The following METTL15 variants were observed in gnomAD, a reference collection of about 807,000 sequenced individuals.
METTL15 encodes methyltransferase 15, mitochondrial 12S rRNA N4-cytidine, also known as 12S rRNA N(4)-cytidine methyltransferase METTL15.
METTL15 carries 34 observed loss-of-function variants against 38.3 expected under a neutral mutation model. That is an observed-to-expected ratio of 0.89 (90% CI 0.68 to 1.18). METTL15 has a LOEUF of 1.18. Among genes scored for constraint, METTL15 ranks in the 50% most tolerant of loss-of-function variants. The pLI is 0.00. For synonymous variants in METTL15, 162 were observed against 170.9 expected (o/e 0.95, Z 0.41); for missense variants, 438 against 498.4 (o/e 0.88, Z 1.15).
intron 6 of METTL15, among the ~76,000 whole-genome samples, chr11:28,479,113 A>G (rs796615585): frequency 1.3e-5 from 2 of 151,802 alleles, no homozygotes; most frequent in African/African-American, 4.8e-5. Context: ...TTGTAATGTT[A>G]TAAAATTCCA....
rs752269746 is a variant in METTL15 at position 28,296,858 on chromosome 11, C to T, written c.705C>T (p.Ile235=). ...TYGEEKHAKK[I]ASAIVQARSI... ...GGGAGGAGAAGCATGCCAAGAAAAT[C>T]GCTTCAGCAATTGTTCAGGCACGCA... The change falls in exon 6 of 7, where the codon ATC becomes ATT. Residue 235 remains isoleucine, a synonymous_variant. Transcript: ENST00000407364. The T allele has an allele frequency of 4.9e-5, 79 of 1,613,572 alleles. No homozygotes were observed. Among genetic ancestry groups the T allele is most frequent in the Middle Eastern group, 3.3e-4 (2 of 6,056 alleles).
chr11:28,357,171 G>C (rs1027364936), intron 4 of METTL15, among the ~76,000 whole-genome samples: 1 of 152,218 alleles, frequency 6.6e-6, no homozygotes, highest in East Asian at 1.9e-4. Context: ...TGGAAGGACA[G>C]TATACTTTTG....
intron 4 of METTL15, among the ~76,000 whole-genome samples, chr11:28,353,696 C>T (rs1438055721): frequency 6.6e-6 from 1 of 151,658 alleles, no homozygotes; most frequent in African/African-American, 2.4e-5. Flanking sequence ...GAGGCCGAGG[C>T]GGGTGGATCA....
chr11:28,378,206 T>C (rs1312136162), intron 5 of METTL15, among the ~76,000 whole-genome samples: 1 of 152,196 alleles, frequency 6.6e-6, no homozygotes, highest in Non-Finnish European at 1.5e-5. Flanking sequence ...TCCTGGCTCC[T>C]TTGTTTACCT....
chr11:28,296,240 G>C (rs1478381212), intron 5 of METTL15, among the ~76,000 whole-genome samples: 1 of 152,114 alleles, frequency 6.6e-6, no homozygotes, highest in African/African-American at 2.4e-5. Context: ...GAGGGAAACT[G>C]ATCAGCAGTA....
At chr11:28,146,428 T>A (rs1011531263) in intron 3 of METTL15, among the ~76,000 whole-genome samples, 6 of 152,056 alleles carry the variant, frequency 3.9e-5, no homozygotes, top group Non-Finnish European at 7.4e-5. Flanking sequence ...TGTTACTGAT[T>A]GACATCCTAC....
chr11:28,175,890 A>T (rs891746903), intron 3 of METTL15, among the ~76,000 whole-genome samples: 1 of 152,010 alleles, frequency 6.6e-6, no homozygotes, highest in African/African-American at 2.4e-5. Flanking sequence ...TTGGTGTAAG[A>T]GATAGAAAAT....
At chr11:28,117,231 A>ATGTGTGTGTG (rs1444092063) in intron 3 of METTL15, among the ~76,000 whole-genome samples, 5 of 66,820 alleles carry the variant, frequency 7.5e-5, no homozygotes, top group African/African-American at 1.1e-4. Context: ...ACACCTATAT[A>ATGTGTGTGTG]TGTATGTGTG....
rs1242701038 is a variant in METTL15, at chr11:28,381,265, C to T, written c.*358+19229C>T. ...CCTCCTATCTTAGCCTCCCAAGTTG[C>T]TGGGGTTACAAATATAAGCCACTGT... is the stretch of plus-strand genomic sequence containing the variant. On this transcript the variant is annotated intron_variant and NMD_transcript_variant, in intron 5 of 7. Coordinates refer to the METTL15 transcript ENST00000532947. Among the ~76,000 whole-genome samples, 5 of 152,128 alleles carry T rather than the reference C, an allele frequency of 3.3e-5. No homozygotes were observed. The East Asian group carries it at 9.6e-4, about 29-fold the overall frequency.
At chr11:28,340,069 G>A (rs1590338706) in intron 3 of METTL15, among the ~76,000 whole-genome samples, 1 of 152,046 alleles carries the variant, frequency 6.6e-6, no homozygotes, top group Admixed American at 6.6e-5. Flanking sequence ...CTGAAATTAT[G>A]AAGCTGAAGG....
intron 3 of METTL15, chr11:28,163,571 G>A (rs138950478): frequency 2.5e-6 from 1 of 395,650 alleles, no homozygotes; most frequent in African/African-American, 2.1e-5. Context: ...GTGTGTGTTT[G>A]TCTGGAGAAT....
chr11:28,503,796 G>GA (rs796981099), intron 6 of METTL15, among the ~76,000 whole-genome samples: 389 of 143,256 alleles, frequency 2.7e-3, no homozygotes, highest in African/African-American at 8.7e-3. Flanking sequence ...ATCTCGAGGG[G>GA]AAAAAAAAAA....
chr11:28,370,648 CTG>C (rs1850233988), intron 5 of METTL15, among the ~76,000 whole-genome samples: 2 of 151,964 alleles, frequency 1.3e-5, no homozygotes, highest in Admixed American at 1.3e-4. Context: ...TCCATAGTGA[CTG>C]TGTTAATTTA....
At chr11:28,397,551 A>T (rs1322620998) in intron 5 of METTL15, among the ~76,000 whole-genome samples, 1 of 152,038 alleles carries the variant, frequency 6.6e-6, no homozygotes, top group Non-Finnish European at 1.5e-5. Context: ...ACCATCTCAC[A>T]CCAGTTAGAA....
chr11:28,372,208 C>T (rs879775154), intron 5 of METTL15, among the ~76,000 whole-genome samples: 1 of 151,912 alleles, frequency 6.6e-6, no homozygotes, highest in Non-Finnish European at 1.5e-5. Flanking sequence ...TTATTAAATA[C>T]TTTTCCAGCA....
At chr11:28,217,305 A>G (rs1272435375) in intron 4 of METTL15, among the ~76,000 whole-genome samples, 1 of 152,152 alleles carries the variant, frequency 6.6e-6, no homozygotes, top group Admixed American at 6.5e-5. Flanking sequence ...CATTTCTCTG[A>G]TGGCCAGTGA....
intron 6 of METTL15, among the ~76,000 whole-genome samples, chr11:28,323,977 C>G (rs1170817089): frequency 6.6e-6 from 1 of 152,270 alleles, no homozygotes; most frequent in South Asian, 2.1e-4. Flanking sequence ...AATAATGTCT[C>G]AAAATTGTAT....
intron 4 of METTL15, among the ~76,000 whole-genome samples, chr11:28,258,579 C>CA (rs1855068191): frequency 6.6e-6 from 1 of 152,174 alleles, no homozygotes; most frequent in Non-Finnish European, 1.5e-5. Flanking sequence ...AGCTGGCACT[C>CA]AAACCACAAG....
At chr11:28,271,826 C>G (rs1855651686) in intron 4 of METTL15, among the ~76,000 whole-genome samples, 2 of 152,058 alleles carry the variant, frequency 1.3e-5, no homozygotes, top group Admixed American at 6.6e-5. Context: ...ATCCATCTGA[C>G]AAAGGGCTAA....
Sources: allele counts gnomAD v4.1 joint callset (sites outside exome capture counted in the v4.1 genomes callset), GRCh38; gene constraint gnomAD v4.1.1; transcripts MANE v1.5; gene names NCBI Gene and HGNC (gene_info 2026-07-23, HGNC 2026-07-21).